The following AQP11 variants were observed in gnomAD, a reference collection of about 807,000 sequenced individuals.
AQP11 encodes aquaporin 11.
In AQP11, 20 loss-of-function variants were observed where a neutral mutation model predicts 21.1. The ratio of observed to expected loss-of-function variants is 0.95; its 90% CI spans 0.67 to 1.38. The LOEUF (loss-of-function observed/expected upper bound fraction) is 1.38, where lower values mean the gene tolerates loss of function less well. Ranked by LOEUF, AQP11 falls within the 40% of genes most tolerant of loss-of-function variation. The pLI, the probability that AQP11 is intolerant of heterozygous loss-of-function variation, is 0.00. For synonymous variants in AQP11, 167 were observed against 150.1 expected, an observed-to-expected ratio of 1.11 and a Z score of -0.82; for missense variants, 339 against 340.4, an observed-to-expected ratio of 1.00 and a Z score of 0.03.
At chr11:77,607,444 G>C (rs533701350) in intron 2 of AQP11, among the ~76,000 whole-genome samples, 36 of 152,210 alleles carry the variant, frequency 2.4e-4, no homozygotes, top group Middle Eastern at 3.4e-3. Context: ...TAATCCCAAG[G>C]TATCCACCTT....
chr11:77,598,884 A>AT lies in AQP11; in HGVS notation c.620-4662dup, dbSNP rs549474081. Among the ~76,000 whole-genome samples, 41 of 143,886 alleles carry AT rather than the reference A, an allele frequency of 2.8e-4. 1 individual carries two copies. In the South Asian group the frequency reaches 3.1e-3, roughly 11 times the overall value. 94.4% of individuals were successfully genotyped at this position (143,886 alleles called of 152,430 possible). ...TGTCTGCCACCACACCTGGCTAATTATTTTTTTTTTGTTTGAGATGGAGTT... is the reference window on the plus strand; with the variant it reads ...TGTCTGCCACCACACCTGGCTAATTATTTTTTTTTTTGTTTGAGATGGAGTT... On this transcript the variant is annotated intron_variant, in intron 1 of 2. Coordinates refer to ENST00000313578, the MANE Select transcript of AQP11 (RefSeq NM_173039.3).
intron 1 of AQP11, among the ~76,000 whole-genome samples, chr11:77,600,207 G>A (rs745515409): frequency 2.6e-5 from 4 of 151,090 alleles, no homozygotes; most frequent in Non-Finnish European, 5.9e-5. Context: ...GAGCTCAGGC[G>A]ATACACCCAC....
intron 2 of AQP11, among the ~76,000 whole-genome samples, chr11:77,608,179 C>T (rs1016628435): frequency 4.6e-5 from 7 of 152,190 alleles, no homozygotes; most frequent in African/African-American, 1.7e-4. Flanking sequence ...GAAAAATTAA[C>T]CACTGCAGAT....
At chr11:77,601,705 C>G (rs183666200) in intron 1 of AQP11, among the ~76,000 whole-genome samples, 46 of 152,236 alleles carry the variant, frequency 3.0e-4, no homozygotes, top group Non-Finnish European at 5.0e-4. Context: ...ATGGGCAGTT[C>G]CTCTGAGATC....
At chr11:77,601,425 TGCA>T (rs1389555930) in intron 1 of AQP11, among the ~76,000 whole-genome samples, 1 of 149,772 alleles carries the variant, frequency 6.7e-6, no homozygotes, top group African/African-American at 2.5e-5. Flanking sequence ...CTCGACTCAC[TGCA>T]GCCTCAACCT....
At chr11:77,600,251 G>A (rs1958808138) in intron 1 of AQP11, among the ~76,000 whole-genome samples, 2 of 151,880 alleles carry the variant, frequency 1.3e-5, no homozygotes, top group Admixed American at 6.6e-5. Context: ...TTACAGGTGT[G>A]AGCCACTGCG....
At chr11:77,603,470 A>C in intron 1 of AQP11, 86 bp from the exon 2 acceptor site, 1 of 910,252 alleles carries the variant, frequency 1.1e-6, no homozygotes, top group South Asian at 2.0e-5. Context: ...CTAAAATAAA[A>C]GTCACATTTA....
intron 2 of AQP11, among the ~76,000 whole-genome samples, chr11:77,607,161 A>T (rs4944170): frequency 0.18 from 27,453 of 152,126 alleles, 3,172 homozygotes; most frequent in African/African-American, 0.31. Flanking sequence ...CATTCCAGCC[A>T]GCCATTGAAT....
chr11:77,599,522 G>A (rs2135747767), intron 1 of AQP11, among the ~76,000 whole-genome samples: 1 of 145,470 alleles, frequency 6.9e-6, no homozygotes, highest in East Asian at 2.2e-4. Context: ...GACCTCAAAT[G>A]ATCCACCAGC....
At chr11:77,605,832 G>A (rs565190823) in intron 2 of AQP11, among the ~76,000 whole-genome samples, 5 of 152,112 alleles carry the variant, frequency 3.3e-5, no homozygotes, top group South Asian at 2.1e-4. Context: ...GCCGAGGTGC[G>A]TGGATCACCT....
chr11:77,606,193 G>C (rs1958845607), intron 2 of AQP11, among the ~76,000 whole-genome samples: 1 of 151,932 alleles, frequency 6.6e-6, no homozygotes, highest in Non-Finnish European at 1.5e-5. Context: ...TTTTAAAAAG[G>C]GTCTTTATGG....
chr11:77,590,525 A>C lies in AQP11; in HGVS notation c.533A>C (p.His178Pro). 1 of 1,613,990 alleles carries C rather than the reference A, an allele frequency of 6.2e-7. No homozygotes were observed. The highest frequency in any genetic ancestry group is 8.5e-7 in the Non-Finnish European group (1 of 1,179,984). The change falls in exon 1 of 3, where the codon CAC becomes CCC. Residue 178 changes from histidine (H) to proline (P), a missense_variant. By Grantham distance (77) the His-to-Pro change is moderately conservative (BLOSUM62 -2). Transcript: ENST00000313578. ...GAGGCCGTCTGCTCCTTTCTCTTCC[A>C]CAGCGCTCTGCTGCACTTCCAGGAA... ...ITEAVCSFLFHSALLHFQEVR... is the reference protein window; with the variant it reads ...ITEAVCSFLFPSALLHFQEVR...
Position 77,590,342 on chromosome 11 carries a change from G to A in AQP11, c.350G>A (p.Gly117Asp), listed in dbSNP as rs2135741943. 3 of 1,611,390 alleles carry A rather than the reference G, an allele frequency of 1.9e-6. No individual in the cohort carries two copies. The highest frequency in any genetic ancestry group is 2.5e-6 in the Non-Finnish European group (3 of 1,177,920). ...CTGGGGGGCATGTCCCCCGAGACGG[G>A]TGCGGTGAGGCTATTGGCTCAGCTG... The part of the protein sequence containing the change: ...MMLGGMSPET[G>D]AVRLLAQLVS... Residue 117 changes from glycine to aspartate, a missense_variant, in exon 1 of 3, where the codon GGT (glycine) becomes GAT (aspartate). Gly to Asp is a moderately conservative substitution (Grantham distance 94, BLOSUM62 -1). Coordinates refer to ENST00000313578, the MANE Select transcript of AQP11 (RefSeq NM_173039.3).
chr11:77,609,188 T>C, intron 2 of AQP11, 110 bp from the exon 3 acceptor site: 1 of 667,358 alleles, frequency 1.5e-6, no homozygotes, highest in Admixed American at 3.2e-5. Flanking sequence ...TCTTTAAGCA[T>C]GGCTTTCCAA....
At position 77,590,459 on chromosome 11, in the gene AQP11, A is replaced by G; in HGVS notation, c.467A>G (p.Lys156Arg). The G allele has an allele frequency of 6.2e-7, 1 of 1,614,114 alleles. No homozygotes were observed. Among genetic ancestry groups the G allele is most frequent in the Non-Finnish European group, 8.5e-7 (1 of 1,180,008 alleles). ...GTCAGCGAGAGGAGCTTCGCTTGCA[A>G]GAATCCCATCCGAGTCGACTTGCTC... ...YHVSERSFAC[K>R]NPIRVDLLKA... Residue 156 changes from lysine (K) to arginine (R), a missense_variant, in exon 1 of 3, where the codon AAG becomes AGG. By Grantham distance (26) the Lys-to-Arg change is conservative (BLOSUM62 2). Coordinates refer to ENST00000313578, the MANE Select transcript of AQP11 (RefSeq NM_173039.3).
At chr11:77,605,547 C>A (rs1958841167) in intron 2 of AQP11, among the ~76,000 whole-genome samples, 1 of 152,010 alleles carries the variant, frequency 6.6e-6, no homozygotes, top group Non-Finnish European at 1.5e-5. Context: ...GGAACGTGAA[C>A]CTTACTGTGA....
At position 77,609,282 on chromosome 11, in the gene AQP11, GT is replaced by G; in HGVS notation, c.737-15del. ...TTAAAGATTGTTTTTTTATTTTACT[GT>G]ATTTTGTCTTTCAGGTATATTGTTG... is the stretch of plus-strand genomic sequence containing the variant. On this transcript the variant is annotated splice_polypyrimidine_tract_variant and intron_variant, in intron 2 of 2. Coordinates refer to ENST00000313578, the MANE Select transcript of AQP11 (RefSeq NM_173039.3). 1 of 1,599,574 alleles carries G rather than the reference GT, an allele frequency of 6.3e-7. No individual in the cohort carries two copies. The highest frequency in any genetic ancestry group is 8.5e-7 in the Non-Finnish European group (1 of 1,170,504).
chr11:77,597,444 C>T (rs920822915), intron 1 of AQP11, among the ~76,000 whole-genome samples: 1 of 152,120 alleles, frequency 6.6e-6, no homozygotes, highest in African/African-American at 2.4e-5. Flanking sequence ...TGGTGGCTCG[C>T]GCCTGTAGTC....
At chr11:77,604,277 G>A (rs1054105056) in intron 2 of AQP11, among the ~76,000 whole-genome samples, 5 of 151,838 alleles carry the variant, frequency 3.3e-5, no homozygotes, top group African/African-American at 7.3e-5. Context: ...CACCACACCC[G>A]GCTAATTTTT....
Sources: allele counts gnomAD v4.1 joint callset (sites outside exome capture counted in the v4.1 genomes callset), GRCh38; gene constraint gnomAD v4.1.1; transcripts MANE v1.5; gene names NCBI Gene and HGNC (gene_info 2026-07-23, HGNC 2026-07-21).